Variants in ETS1 observed in about 807,000 individuals in gnomAD.
ETS1 encodes protein C-ets-1.
In ETS1, 15 loss-of-function variants were observed where a neutral mutation model predicts 58.6. That is an observed-to-expected ratio of 0.26 (90% CI 0.17 to 0.39). ETS1 has a LOEUF of 0.39. Ranked by LOEUF, ETS1 falls within the 10% of genes least tolerant of loss-of-function variation. The probability of loss-of-function intolerance (pLI) is 1.00; values close to 1 mark genes in which losing one functional copy is unlikely to be tolerated. For synonymous variants in ETS1, 214 were observed against 218.2 expected (o/e 0.98, Z 0.17); for missense variants, 417 against 610.5 (o/e 0.68, Z 3.34).
chr11:128,492,281 G>A (rs891708447), intron 3 of ETS1, among the ~76,000 whole-genome samples: 4 of 152,240 alleles, frequency 2.6e-5, no homozygotes, highest in South Asian at 4.1e-4. Context: ...TTAAGCATAG[G>A]ATAAACCTCT....
rs78912919 is a variant in ETS1, at chr11:128,473,029, A to G, written c.1123+7162T>C. 1.8e-3 allele frequency among the ~76,000 whole-genome samples: 272 copies of G among 152,220 alleles called. 1 individual carries two copies. The highest frequency in any genetic ancestry group is 6.3e-3 in the African/African-American group (262 of 41,526). The stretch of plus-strand genomic sequence containing the variant: ...ACATTGGGCTAGACCTCCTCCTCTA[A>G]AAAGAAAAAAAAAAGTCTCGATTCC... On this transcript the variant is annotated intron_variant, in intron 8 of 9. Coordinates refer to ENST00000392668, the MANE Select transcript of ETS1 (RefSeq NM_001143820.2).
intron 3 of ETS1, among the ~76,000 whole-genome samples, chr11:128,535,563 A>C (rs141095778): frequency 1.3e-5 from 2 of 152,296 alleles, no homozygotes; most frequent in Non-Finnish European, 2.9e-5. Flanking sequence ...AAGAAAAATT[A>C]AAGGACTTGG....
chr11:128,579,622 T>C (rs375308719), intron 1 of ETS1, among the ~76,000 whole-genome samples: 1 of 148,050 alleles, frequency 6.8e-6, no homozygotes, highest in African/African-American at 2.5e-5. Context: ...GATCTCGCCA[T>C]TACACTCCCA....
At chr11:128,566,686 G>A (rs1864506743) in intron 2 of ETS1, among the ~76,000 whole-genome samples, 1 of 152,058 alleles carries the variant, frequency 6.6e-6, no homozygotes, top group South Asian at 2.1e-4. Context: ...AGGAGGCTGA[G>A]GCAGGAGAAT....
chr11:128,559,812 A>T lies in ETS1; in HGVS notation c.70-3377T>A, dbSNP rs370274161. ...AAACTGCCTCAGTTGAGGAGAAAAAAAGCAGGTTATTAACAGGTCAGAAAT... is the reference window on the plus strand; with the variant it reads ...AAACTGCCTCAGTTGAGGAGAAAAATAGCAGGTTATTAACAGGTCAGAAAT... On this transcript the variant is annotated intron_variant, in intron 2 of 9. Coordinates refer to ENST00000392668, the MANE Select transcript of ETS1 (RefSeq NM_001143820.2). Among the ~76,000 whole-genome samples, 128 of 152,348 alleles carry T rather than the reference A, an allele frequency of 8.4e-4. 3 individuals are homozygous for T. The highest frequency in any genetic ancestry group is 3.0e-3 in the African/African-American group (123 of 41,574).
At chr11:128,570,762 T>C (rs1465846770) in intron 2 of ETS1, among the ~76,000 whole-genome samples, 1 of 152,182 alleles carries the variant, frequency 6.6e-6, no homozygotes, top group Non-Finnish European at 1.5e-5. Context: ...ATGACCTCTA[T>C]GTGAGGAAAA....
chr11:128,470,049 T>C (rs1387622395), intron 8 of ETS1, among the ~76,000 whole-genome samples: 2 of 152,222 alleles, frequency 1.3e-5, no homozygotes, highest in African/African-American at 4.8e-5. Flanking sequence ...TGACAGGTGT[T>C]TGGAAAGCAT....
intron 1 of ETS1, among the ~76,000 whole-genome samples, chr11:128,585,195 A>C (rs1227341967): frequency 2.3e-5 from 2 of 88,634 alleles, no homozygotes; most frequent in Non-Finnish European, 4.9e-5. Flanking sequence ...AGAAGGAAGG[A>C]AAGAAAGAAA....
At chr11:128,561,008 T>C (rs561182210) in intron 2 of ETS1, among the ~76,000 whole-genome samples, 1 of 152,148 alleles carries the variant, frequency 6.6e-6, no homozygotes, top group East Asian at 1.9e-4. Flanking sequence ...AAAAAGAACA[T>C]ATACAGCTAT....
chr11:128,487,347 C>T (rs1862660598), intron 5 of ETS1, among the ~76,000 whole-genome samples: 1 of 152,208 alleles, frequency 6.6e-6, no homozygotes, highest in Admixed American at 6.5e-5. Context: ...TTCCTTTACC[C>T]TAAGTGAGGC....
At chr11:128,578,645 AT>A (rs997517238) in intron 1 of ETS1, among the ~76,000 whole-genome samples, 37 of 152,154 alleles carry the variant, frequency 2.4e-4, no homozygotes, top group African/African-American at 8.7e-4. Flanking sequence ...TCTTCTGGGT[AT>A]TTTTTAATCT....
At chr11:128,555,902 G>A (rs2135557269) in intron 3 of ETS1, among the ~76,000 whole-genome samples, 1 of 152,334 alleles carries the variant, frequency 6.6e-6, no homozygotes, top group East Asian at 1.9e-4. Context: ...AATGGAAACA[G>A]ATGATCATCG....
chr11:128,548,973 T>C (rs796102429), intron 3 of ETS1, among the ~76,000 whole-genome samples: 12 of 149,408 alleles, frequency 8.0e-5, no homozygotes, highest in African/African-American at 2.7e-4. Flanking sequence ...TCTTTTTGTG[T>C]GCTCGTGTAT....
In ETS1 at chr11:128,572,986, G is replaced by A. The variant is rs145137983; in HGVS notation, c.69+76C>T. On this transcript the variant is annotated intron_variant, in intron 2 of 9. Transcript: ENST00000392668. ...TTCCTGGCTTCTCTGTCTACTGGGG[G>A]TCAGGATACAGGAAGCACAAGGAGG... The A allele has an allele frequency of 1.8e-4, 208 of 1,182,364 alleles. No homozygotes were observed. The African/African-American group carries it at 2.0e-3, about 11-fold the overall frequency. The allele number at this position is 1,182,364 out of a possible 1,614,324, so 73.2% of individuals were successfully genotyped here.
intron 5 of ETS1, among the ~76,000 whole-genome samples, 162 bp downstream of exon 5, chr11:128,489,128 C>T (rs1862722407): frequency 6.6e-6 from 1 of 152,124 alleles, no homozygotes; most frequent in Admixed American, 6.5e-5. Context: ...TCTAAGAGTA[C>T]CTGCTGTATG....
intron 1 of ETS1, among the ~76,000 whole-genome samples, chr11:128,574,918 T>C (rs1163790912): frequency 1.3e-5 from 2 of 152,184 alleles, no homozygotes; most frequent in African/African-American, 4.8e-5. Context: ...ATGTTGATCA[T>C]CCCTCCAGGG....
intron 2 of ETS1, chr11:128,571,689 T>C (rs1325964287): frequency 6.6e-6 from 1 of 152,036 alleles, no homozygotes; most frequent in Non-Finnish European, 1.5e-5. Context: ...TTCTTGTTTA[T>C]TGGTGTTAAT....
At chr11:128,521,843 GGAA>G in intron 3 of ETS1, 6 of 1,269,848 alleles carry the variant, frequency 4.7e-6, no homozygotes, top group Non-Finnish European at 6.6e-6. Context: ...GGCGAAAGGG[GGAA>G]GAAGTCCAGG....
At chr11:128,541,590 G>A (rs1864058754) in intron 3 of ETS1, among the ~76,000 whole-genome samples, 1 of 152,172 alleles carries the variant, frequency 6.6e-6, no homozygotes, top group South Asian at 2.1e-4. Flanking sequence ...TTACTGCAAA[G>A]TTTGTGTTGT....
Sources: gnomAD v4.1 joint callset for allele counts (sites outside exome capture counted in the v4.1 genomes callset) on GRCh38, gnomAD v4.1.1 for gene constraint, MANE v1.5 for transcripts, NCBI Gene and HGNC (gene_info 2026-07-23, HGNC 2026-07-21) for gene names.